The following SCAF11 variants were observed in gnomAD, a reference collection of about 807,000 sequenced individuals.
The protein encoded by SCAF11 is SR-related CTD associated factor 11, also known as protein SCAF11.
A neutral mutation model predicts 140.5 loss-of-function variants in SCAF11; 47 were observed. The observed-to-expected ratio is 0.33, with a 90% CI of 0.26 to 0.43. The LOEUF is 0.43. Ranked by LOEUF, SCAF11 falls within the 20% of genes least tolerant of loss-of-function variation. The pLI, the probability that SCAF11 is intolerant of heterozygous loss-of-function variation, is 1.00. For synonymous variants in SCAF11, 557 were observed against 579.4 expected, an observed-to-expected ratio of 0.96 and a Z score of 0.55; for missense variants, 1,645 against 1,705.1, an observed-to-expected ratio of 0.96 and a Z score of 0.62.
intron 1 of SCAF11, among the ~76,000 whole-genome samples, chr12:45,968,692 G>C (rs986648781): frequency 2.0e-5 from 3 of 152,286 alleles, no homozygotes; most frequent in Non-Finnish European, 2.9e-5. Flanking sequence ...TGTAATCCCA[G>C]CACTTTGGGA....
At chr12:45,964,700 A>G (rs1324684971) in intron 1 of SCAF11, among the ~76,000 whole-genome samples, 1 of 152,062 alleles carries the variant, frequency 6.6e-6, no homozygotes, top group Non-Finnish European at 1.5e-5. Flanking sequence ...AGCCTTTTAT[A>G]ACTATTAAGC....
At chr12:45,940,576 A>G (rs546621752) in intron 6 of SCAF11, among the ~76,000 whole-genome samples, 15 of 152,312 alleles carry the variant, frequency 9.8e-5, no homozygotes, top group African/African-American at 3.6e-4. Flanking sequence ...TTTAAAAAAG[A>G]CTTTACAAAA....
chr12:45,972,856 A>C (rs11183254), intron 1 of SCAF11, among the ~76,000 whole-genome samples: 2 of 121,206 alleles, frequency 1.7e-5, no homozygotes, highest in Admixed American at 8.9e-5. Flanking sequence ...CAGTATATAT[A>C]TATATATCGA....
intron 1 of SCAF11, among the ~76,000 whole-genome samples, chr12:45,987,822 G>T (rs1310882455): frequency 6.6e-6 from 1 of 152,198 alleles, no homozygotes; most frequent in Non-Finnish European, 1.5e-5. Flanking sequence ...TCTGGCTATG[G>T]AGTGTTAAAG....
intron 12 of SCAF11, among the ~76,000 whole-genome samples, chr12:45,923,970 C>A (rs984538796): frequency 1.3e-5 from 2 of 152,082 alleles, no homozygotes; most frequent in East Asian, 1.9e-4. Context: ...CCTGCCTCAA[C>A]CTCCTTAGTA....
intron 10 of SCAF11, among the ~76,000 whole-genome samples, chr12:45,930,327 C>T (rs760553790): frequency 4.9e-4 from 75 of 151,968 alleles, no homozygotes; most frequent in Non-Finnish European, 8.2e-4. Flanking sequence ...GCACTAAACA[C>T]TATGAAAAAT....
rs1480930114 is a variant in SCAF11, at chr12:45,924,769, CTTG to C, written c.3862_3864del (p.Gln1288del). 8.6e-7 allele frequency: 1 copy of C among 1,158,962 alleles called. No homozygotes were observed. The highest frequency in any genetic ancestry group is 1.8e-5 in the Admixed American group (1 of 54,296). 71.8% of individuals were successfully genotyped at this position (1,158,962 alleles called of 1,614,324 possible). A position where few individuals can be genotyped will look rare whatever the true frequency, so the allele number is the denominator to read the frequency against. On this transcript the variant is annotated inframe_deletion, in exon 12 of 15. Transcript: ENST00000369367. ...TCTGGTTGTGAAGCAATGTAGTTGA[CTTG>C]TTGGGATGGTGGGGGAGGGGGTGGT...
intron 1 of SCAF11, among the ~76,000 whole-genome samples, chr12:45,966,987 T>C (rs61924071): frequency 2.0e-5 from 3 of 152,212 alleles, no homozygotes; most frequent in Non-Finnish European, 4.4e-5. Context: ...TGTAATATAT[T>C]ATCCCTTTAT....
At chr12:45,990,837 G>A (rs565018471), upstream of SCAF11, among the ~76,000 whole-genome samples, 30 of 152,344 alleles carry the variant, frequency 2.0e-4, no homozygotes, top group Non-Finnish European at 3.1e-4. Context: ...GCGGGAGGAA[G>A]GGCAGCTGCG....
intron 1 of SCAF11, among the ~76,000 whole-genome samples, chr12:45,982,326 C>A (rs1198230747): frequency 1.3e-5 from 2 of 152,074 alleles, no homozygotes; most frequent in African/African-American, 4.8e-5. Context: ...AATATTTATT[C>A]CCCATTATAA....
chr12:45,986,040 G>C lies in SCAF11; in HGVS notation c.-22+4313C>G, dbSNP rs142972262. On this transcript the variant is annotated intron_variant, in intron 1 of 14. Transcript: ENST00000369367. ...TTCTCTGGGAGCTCACATTCTTCCA[G>C]CAAAGTTTTTTAAATGTTAGAGGTC... is the stretch of plus-strand genomic sequence containing the variant. 4.9e-3 allele frequency among the ~76,000 whole-genome samples: 748 copies of C among 152,188 alleles called. 4 individuals carry two copies. The highest frequency in any genetic ancestry group is 7.2e-3 in the Non-Finnish European group (490 of 68,004).
At position 45,927,646 on chromosome 12, in the gene SCAF11, A is replaced by G. The variant is rs769395413; in HGVS notation, c.2055T>C (p.Asn685=). ...ATCTAGGATGTTCGGTCAGCGATTC[A>G]TTCTTTTCTTCTAAAGATTTTTCCA... is the stretch of plus-strand genomic sequence containing the variant. ...TKLEKSLEEK[N]ESLTEHPRST... is the part of the protein sequence containing the mutation. Residue 685 remains asparagine, a synonymous_variant, in exon 11 of 15, where the codon AAT becomes AAC. Transcript: ENST00000369367. The G allele has an allele frequency of 3.1e-6, 5 of 1,612,264 alleles. No individual in the cohort carries two copies. In the South Asian group the frequency reaches 4.4e-5, roughly 14 times the overall value.
At chr12:45,967,456 C>T (rs866599338) in intron 1 of SCAF11, among the ~76,000 whole-genome samples, 15 of 152,172 alleles carry the variant, frequency 9.9e-5, no homozygotes, top group African/African-American at 3.4e-4. Flanking sequence ...CCAGCCTGGC[C>T]AACATGGCGA....
chr12:45,945,982 C>T (rs144691936), intron 5 of SCAF11, among the ~76,000 whole-genome samples: 4 of 152,112 alleles, frequency 2.6e-5, no homozygotes, highest in African/African-American at 7.2e-5. Flanking sequence ...TGAGCCACCA[C>T]GTCTGGCTTC....
At chr12:45,979,796 ATAATT>A (rs552206182) in intron 1 of SCAF11, among the ~76,000 whole-genome samples, 4 of 152,254 alleles carry the variant, frequency 2.6e-5, no homozygotes, top group South Asian at 2.1e-4. Flanking sequence ...TATTTTACAC[ATAATT>A]TAAAGAAGCA....
chr12:45,990,309 C>G (rs2136683513), intron 1 of SCAF11, 44 bp downstream of exon 1: 1 of 1,231,742 alleles, frequency 8.1e-7, no homozygotes, highest in African/African-American at 1.5e-5. Flanking sequence ...CTCTCCCAGA[C>G]AGCTGCCCAA....
chr12:45,959,111 T>C (rs1254582118), intron 3 of SCAF11, among the ~76,000 whole-genome samples: 1 of 152,086 alleles, frequency 6.6e-6, no homozygotes, highest in Non-Finnish European at 1.5e-5. Flanking sequence ...TACAGAAATC[T>C]AGAAAGATGA....
chr12:45,990,610 C>T (rs1946578713), upstream of SCAF11: 2 of 1,222,160 alleles, frequency 1.6e-6, no homozygotes, highest in Non-Finnish European at 2.0e-6. Context: ...CCTCCCTCCC[C>T]TCCCCTCCCT....
At chr12:45,963,977 C>A in intron 2 of SCAF11, 130 bp downstream of exon 2, 1 of 595,514 alleles carries the variant, frequency 1.7e-6, no homozygotes, top group South Asian at 2.0e-5. Context: ...TATACTTAGG[C>A]AGCTTATTTT....
Sources: allele counts gnomAD v4.1 joint callset (sites outside exome capture counted in the v4.1 genomes callset), GRCh38; gene constraint gnomAD v4.1.1; transcripts MANE v1.5; gene names NCBI Gene and HGNC (gene_info 2026-07-23, HGNC 2026-07-21).